MEGF6: variants seen among roughly 807,000 people sequenced by gnomAD.
The protein encoded by MEGF6 is multiple epidermal growth factor-like domains protein 6.
MEGF6 carries 184 observed loss-of-function variants against 207.1 expected under a neutral mutation model. That is an observed-to-expected ratio of 0.89 (90% CI 0.79 to 1.00). The LOEUF (loss-of-function observed/expected upper bound fraction) is 1.00. Ranked by LOEUF, MEGF6 falls within the 50% of genes least tolerant of loss-of-function variation. The probability of loss-of-function intolerance (pLI) is 0.00; values close to 1 mark genes in which losing one functional copy is unlikely to be tolerated. For missense variants in MEGF6, 2,282 were observed against 2,202.9 expected (o/e 1.04, Z -0.72); for synonymous variants, 1,038 against 910.0 (o/e 1.14, Z -2.53).
chr1:3,592,165 TAG>T (rs1237194607), intron 3 of MEGF6, among the ~76,000 whole-genome samples: 1 of 152,122 alleles, frequency 6.6e-6, no homozygotes, highest in African/African-American at 2.4e-5. Flanking sequence ...GCAGCCGGTC[TAG>T]AGAGAGGCTG....
rs1644165487 is a variant in MEGF6, at chr1:3,601,923, C to CTCCT, written c.266+542_266+543insAGGA. On this transcript the variant is annotated intron_variant, in intron 2 of 36. Transcript: ENST00000356575. ...GAGAATGCGTTCCTGCCTTCCCTCC[C>CTCCT]ACAGACACACGGAAACTCTCCACCT... Among the ~76,000 whole-genome samples, 7 of 152,110 alleles carry CTCCT rather than the reference C, an allele frequency of 4.6e-5. No individual in the cohort carries two copies. In the South Asian group the frequency reaches 1.5e-3, roughly 32 times the overall value.
chr1:3,580,636 C>G (rs1469895041), intron 3 of MEGF6, among the ~76,000 whole-genome samples: 1 of 152,108 alleles, frequency 6.6e-6, no homozygotes, highest in South Asian at 2.1e-4. Flanking sequence ...GCCCCCTCCA[C>G]AGCAGGTGCC....
intron 4 of MEGF6, among the ~76,000 whole-genome samples, chr1:3,529,352 C>T (rs1419293398): frequency 6.6e-6 from 1 of 152,198 alleles, no homozygotes; most frequent in Non-Finnish European, 1.5e-5. Context: ...CCAGGGACAA[C>T]GGCCCACCCT....
chr1:3,540,349 C>T (rs75132942), intron 4 of MEGF6, among the ~76,000 whole-genome samples: 3,799 of 152,322 alleles, frequency 0.025, 141 homozygotes, highest in African/African-American at 0.085. Context: ...ACCTTGCAGC[C>T]GGGTTTCCCG....
intron 3 of MEGF6, among the ~76,000 whole-genome samples, chr1:3,583,154 C>T (rs1458631157): frequency 2.0e-5 from 3 of 152,194 alleles, no homozygotes; most frequent in East Asian, 1.9e-4. Context: ...AAAAATACTA[C>T]GAGGCTCTAA....
At chr1:3,581,583 C>T (rs1643799628) in intron 3 of MEGF6, among the ~76,000 whole-genome samples, 1 of 152,218 alleles carries the variant, frequency 6.6e-6, no homozygotes, top group South Asian at 2.1e-4. Flanking sequence ...TGTGCAACTG[C>T]AGCAGCAAGC....
rs566189492 is a variant in MEGF6, at chr1:3,503,520, C to T, written c.2189-1599G>A. ...GGAGGAGCCTTCCTCCTCTCAGGAA[C>T]TGGGGGCTCCGGGAGTGGTGGAGGT... On this transcript the variant is annotated intron_variant, in intron 17 of 36. Coordinates refer to ENST00000356575, the MANE Select transcript of MEGF6 (RefSeq NM_001409.4). Among the ~76,000 whole-genome samples the T allele has an allele frequency of 2.4e-4, 36 of 152,120 alleles. 1 individual carries two copies. The highest frequency in any genetic ancestry group is 7.7e-4 in the African/African-American group (32 of 41,494).
Position 3,510,876 on chromosome 1 carries a change from A to C in MEGF6, c.1141T>G (p.Cys381Gly). 1 of 1,609,218 alleles carries C rather than the reference A, an allele frequency of 6.2e-7. No homozygotes were observed. The highest frequency in any genetic ancestry group is 8.5e-7 in the Non-Finnish European group (1 of 1,177,008). ...IDVDDCADSP[C>G]CQQVCTNNPG... Reference sequence around the variant, plus strand: ...TTGTTGGTGCACACCTGCTGGCAGCACGGGCTGTCTGCACAGTCGTCGACA... The same window carrying C: ...TTGTTGGTGCACACCTGCTGGCAGCCCGGGCTGTCTGCACAGTCGTCGACA... Residue 381 changes from cysteine to glycine, a missense_variant, in exon 10 of 37, where the codon TGC (cysteine) becomes GGC (glycine). Coordinates refer to ENST00000356575, the MANE Select transcript of MEGF6 (RefSeq NM_001409.4).
chr1:3,587,529 G>A (rs1570202933), intron 3 of MEGF6, among the ~76,000 whole-genome samples: 1 of 152,382 alleles, frequency 6.6e-6, no homozygotes. Flanking sequence ...AATGTTGACG[G>A]GCGTGTGGAG....
At chr1:3,553,942 C>A (rs1642961863) in intron 4 of MEGF6, among the ~76,000 whole-genome samples, 1 of 152,220 alleles carries the variant, frequency 6.6e-6, no homozygotes. Context: ...CTGGGGCCTG[C>A]CTGGTCTTCC....
chr1:3,492,309 A>G (rs1192618168), intron 35 of MEGF6, among the ~76,000 whole-genome samples: 2 of 152,202 alleles, frequency 1.3e-5, no homozygotes, highest in South Asian at 2.1e-4. Context: ...CAGCCCAGCC[A>G]TGGGGTCATG....
intron 17 of MEGF6, among the ~76,000 whole-genome samples, chr1:3,502,556 G>T (rs999282132): frequency 6.6e-6 from 1 of 152,174 alleles, no homozygotes; most frequent in Non-Finnish European, 1.5e-5. Flanking sequence ...AGGGCAGGGG[G>T]CCTCCTGGAG....
In MEGF6 at chr1:3,594,240, G is replaced by A. The variant is rs367845476; in HGVS notation, c.376+1098C>T. Among the ~76,000 whole-genome samples, 5 of 152,284 alleles carry A rather than the reference G, an allele frequency of 3.3e-5. No homozygotes were observed. The highest frequency in any genetic ancestry group is 1.3e-4 in the Admixed American group (2 of 15,304). Reference sequence around the variant, plus strand: ...GCCTAGGAGCTCAAGACCAGCCTGGGCAACATGGTGAGACCCTGTCTCTAC... The same window carrying A: ...GCCTAGGAGCTCAAGACCAGCCTGGACAACATGGTGAGACCCTGTCTCTAC... On this transcript the variant is annotated intron_variant, in intron 3 of 36. Coordinates refer to ENST00000356575, the MANE Select transcript of MEGF6 (RefSeq NM_001409.4). This position sits in a 1 kb window ranked among gnomAD's most constrained non-coding sequence, Gnocchi z 4.2.
chr1:3,612,096 C>T (rs1164156252), upstream of MEGF6, among the ~76,000 whole-genome samples: 3 of 152,194 alleles, frequency 2.0e-5, no homozygotes, highest in Admixed American at 6.5e-5. Context: ...TTGAGGAGGG[C>T]GTGGCCAGCC....
chr1:3,605,571 TACACACA>T (rs1644236601), intron 1 of MEGF6, among the ~76,000 whole-genome samples: 2 of 150,842 alleles, frequency 1.3e-5, no homozygotes, highest in African/African-American at 2.4e-5. Context: ...TACACTCACA[TACACACA>T]CATACACTCA....
intron 4 of MEGF6, among the ~76,000 whole-genome samples, chr1:3,554,146 G>A (rs534172790): frequency 6.6e-6 from 1 of 152,184 alleles, no homozygotes; most frequent in Non-Finnish European, 1.5e-5. Context: ...GCCCCATCCC[G>A]CCCCCGGCAG....
chr1:3,591,336 T>A (rs1431260950), intron 3 of MEGF6, among the ~76,000 whole-genome samples: 1 of 152,170 alleles, frequency 6.6e-6, no homozygotes, highest in African/African-American at 2.4e-5. Context: ...CAGAGACCCC[T>A]GCTCACAAGC....
At chr1:3,516,721 T>C (rs1226915368) in intron 5 of MEGF6, among the ~76,000 whole-genome samples, 1 of 152,106 alleles carries the variant, frequency 6.6e-6, no homozygotes, top group African/African-American at 2.4e-5. Flanking sequence ...CTCTGGGCCC[T>C]GAGAAGGCAA....
chr1:3,552,931 G>T (rs1037247510), intron 4 of MEGF6, among the ~76,000 whole-genome samples: 2 of 151,820 alleles, frequency 1.3e-5, no homozygotes, highest in African/African-American at 2.4e-5. Context: ...TGCTGCCCAG[G>T]TCCCCCTCAG....
Sources: gnomAD v4.1 joint callset for allele counts (sites outside exome capture counted in the v4.1 genomes callset) on GRCh38, gnomAD v4.1.1 for gene constraint, Gnocchi (gnomAD v3.1) non-coding constraint, MANE v1.5 for transcripts, NCBI Gene and HGNC (gene_info 2026-07-23, HGNC 2026-07-21) for gene names.